Variants in NRG1 observed in about 807,000 individuals in gnomAD.
NRG1 encodes the protein pro-neuregulin-1, membrane-bound isoform.
A neutral mutation model predicts 63.8 loss-of-function variants in NRG1; 18 were observed. That is an observed-to-expected ratio of 0.28 (90% confidence interval 0.19 to 0.42). The LOEUF (loss-of-function observed/expected upper bound fraction) is 0.42, where lower values mean the gene tolerates loss of function less well. NRG1 is among the 10% of genes least tolerant of loss of function. NRG1 has a pLI of 1.00. For missense variants in NRG1, 762 were observed against 814.7 expected (o/e 0.94, Z 0.79); for synonymous variants, 302 against 301.3 (o/e 1.00, Z -0.02).
intron 1 of NRG1, among the ~76,000 whole-genome samples, chr8:31,801,500 A>C (rs2131722629): frequency 6.6e-6 from 1 of 152,288 alleles, no homozygotes; most frequent in African/African-American, 2.4e-5. Flanking sequence ...TAAGAAGCAG[A>C]GCATTTTCTT....
intron 1 of NRG1, among the ~76,000 whole-genome samples, chr8:31,837,448 A>G (rs1825781978): frequency 6.6e-6 from 1 of 152,090 alleles, no homozygotes. Context: ...ATATTGTGAA[A>G]TAATCAAATC....
chr8:31,722,710 A>G lies in NRG1; in HGVS notation c.37+83279A>G, dbSNP rs577296543. On this transcript the variant is annotated intron_variant, in intron 1 of 10. Transcript: ENST00000519301. ...ACTCTATATTCAGACAAATAACCAG[A>G]CACATAGAGTAAAAGAGTTAACCCA... Among the ~76,000 whole-genome samples, 4 of 152,320 alleles carry G rather than the reference A, an allele frequency of 2.6e-5. No homozygotes were observed. The East Asian group carries it at 7.7e-4, about 29-fold the overall frequency.
intron 1 of NRG1, among the ~76,000 whole-genome samples, chr8:32,401,128 C>T (rs957102150): frequency 6.6e-6 from 1 of 151,960 alleles, no homozygotes; most frequent in Non-Finnish European, 1.5e-5. Context: ...ACGACAGACA[C>T]TGGGGCCTAC....
intron 1 of NRG1, among the ~76,000 whole-genome samples, chr8:31,664,109 T>G (rs1806286275): frequency 1.3e-5 from 2 of 152,168 alleles, no homozygotes. Flanking sequence ...TGTTTTTGTC[T>G]GTCTAGTACC....
intron 1 of NRG1, among the ~76,000 whole-genome samples, chr8:32,465,499 G>A (rs111535757): frequency 1.7e-3 from 256 of 152,202 alleles, no homozygotes; most frequent in African/African-American, 5.9e-3. Flanking sequence ...GACAGTTAAC[G>A]TTCTCAAAAT....
chr8:31,892,858 A>G (rs1351550765), intron 1 of NRG1, among the ~76,000 whole-genome samples: 1 of 152,052 alleles, frequency 6.6e-6, no homozygotes. Flanking sequence ...AACTCCTACA[A>G]AAGTTTTTGG....
At chr8:32,733,989 A>G (rs1339613791) in intron 6 of NRG1, among the ~76,000 whole-genome samples, 1 of 152,200 alleles carries the variant, frequency 6.6e-6, no homozygotes, top group Non-Finnish European at 1.5e-5. Context: ...TAAAAGAACT[A>G]AGTTAAACAG....
rs986551076 is a variant in NRG1 at position 31,761,503 on chromosome 8, C to G, written c.37+122072C>G. On this transcript the variant is annotated intron_variant, in intron 1 of 10. Coordinates refer to the NRG1 transcript ENST00000519301. The stretch of plus-strand genomic sequence containing the variant: ...AAAATAAAGTGAAAGTTGTGTGACT[C>G]TTCCTTTCACTTGAAAACTTAGAGG... 2.0e-5 allele frequency among the ~76,000 whole-genome samples: 3 copies of G among 151,990 alleles called. No individual in the cohort carries two copies. The East Asian group carries it at 5.8e-4, about 29-fold the overall frequency.
At chr8:31,888,318 A>G (rs1830883388) in intron 1 of NRG1, among the ~76,000 whole-genome samples, 1 of 152,136 alleles carries the variant, frequency 6.6e-6, no homozygotes, top group Non-Finnish European at 1.5e-5. Flanking sequence ...ATTTCACCCT[A>G]TATCAGTACA....
At chr8:32,595,269 AGCATTGACCTCCTGGGC>A (rs1451108384) in intron 1 of NRG1, among the ~76,000 whole-genome samples, 1 of 152,028 alleles carries the variant, frequency 6.6e-6, no homozygotes, top group African/African-American at 2.4e-5. Flanking sequence ...GGCTCACTGC[AGCATTGACCTCCTGGGC>A]TCAGGTGGTC....
At chr8:32,283,192 G>A (rs1853089519) in intron 1 of NRG1, among the ~76,000 whole-genome samples, 1 of 152,050 alleles carries the variant, frequency 6.6e-6, no homozygotes, top group Non-Finnish European at 1.5e-5. Flanking sequence ...ATATCATTTT[G>A]TTGTTTGAAT....
At chr8:32,441,219 GT>G (rs972807838) in intron 1 of NRG1, 10 of 152,090 alleles carry the variant, frequency 6.6e-5, no homozygotes, top group African/African-American at 2.4e-4. Flanking sequence ...GTTGGTACAT[GT>G]TTTAGGTTAT....
At chr8:32,463,891 T>C (rs1488154001) in intron 1 of NRG1, among the ~76,000 whole-genome samples, 13 of 60,524 alleles carry the variant, frequency 2.1e-4, no homozygotes, top group Non-Finnish European at 3.7e-4. Context: ...TTTTTTTTTT[T>C]TTTTTTTTTT....
chr8:32,605,093 A>G (rs1845044894), intron 2 of NRG1, among the ~76,000 whole-genome samples: 1 of 152,198 alleles, frequency 6.6e-6, no homozygotes. Context: ...TACTGAGAAG[A>G]AGAGTGCACA....
intron 1 of NRG1, among the ~76,000 whole-genome samples, chr8:31,981,901 G>C (rs1188279567): frequency 1.3e-5 from 2 of 151,930 alleles, no homozygotes; most frequent in Non-Finnish European, 2.9e-5. Context: ...GTATATGCTG[G>C]GCAAAGGGAT....
chr8:32,403,264 C>T (rs1813469316), intron 1 of NRG1, among the ~76,000 whole-genome samples: 1 of 142,800 alleles, frequency 7.0e-6, no homozygotes, highest in Non-Finnish European at 1.5e-5. Context: ...CATGCCACTG[C>T]ACTCCAGCCT....
intron 1 of NRG1, among the ~76,000 whole-genome samples, chr8:32,551,510 T>A (rs915003310): frequency 1.3e-5 from 2 of 152,162 alleles, no homozygotes; most frequent in African/African-American, 4.8e-5. Context: ...TAAACACATC[T>A]GTTGGAGGGA....
chr8:32,082,352 CCCT>C lies in NRG1; in HGVS notation c.37+442928_37+442930del, dbSNP rs3084558. Among the ~76,000 whole-genome samples the C allele has an allele frequency of 6.4e-3, 970 of 152,086 alleles. 11 individuals carry two copies. The highest frequency in any genetic ancestry group is 0.021 in the African/African-American group (881 of 41,514). ...CAATAGGTATTTTTTCTGATCCTCTCCCTCCTCCTACCCTCCACCCTCCACCCT... is the reference window on the plus strand; with the variant it reads ...CAATAGGTATTTTTTCTGATCCTCTCCCTCCTACCCTCCACCCTCCACCCT... On this transcript the variant is annotated intron_variant, in intron 1 of 10. Transcript: ENST00000519301.
chr8:31,981,481 A>G (rs973952662), intron 1 of NRG1, among the ~76,000 whole-genome samples: 11 of 152,098 alleles, frequency 7.2e-5, no homozygotes. Flanking sequence ...GAAGAAATCT[A>G]TAGAGTGAAC....
Sources: allele counts gnomAD v4.1 joint callset (sites outside exome capture counted in the v4.1 genomes callset), GRCh38; gene constraint gnomAD v4.1.1; transcripts MANE v1.5; gene names NCBI Gene and HGNC (gene_info 2026-07-23, HGNC 2026-07-21).